The following SLC1A2 variants were observed in gnomAD, a reference collection of about 807,000 sequenced individuals.
SLC1A2 encodes the protein excitatory amino acid transporter 2.
A neutral mutation model predicts 48.8 loss-of-function variants in SLC1A2; 15 were observed. The observed-to-expected ratio is 0.31, with a 90% CI of 0.21 to 0.47. SLC1A2 has a LOEUF of 0.47. Among genes scored for constraint, SLC1A2 ranks in the 20% least tolerant of loss-of-function variants. The probability of loss-of-function intolerance (pLI) is 0.99; values close to 1 mark genes in which losing one functional copy is unlikely to be tolerated. For synonymous variants in SLC1A2, 279 were observed against 272.6 expected, an observed-to-expected ratio of 1.02 and a Z score of -0.23; for missense variants, 502 against 730.5, an observed-to-expected ratio of 0.69 and a Z score of 3.61.
chr11:35,419,690 T>A (rs1190210348), upstream of SLC1A2: 1 of 157,200 alleles, frequency 6.4e-6, no homozygotes, highest in Non-Finnish European at 1.4e-5. The surrounding 1 kb of genome is among the most constrained non-coding windows in gnomAD (Gnocchi z 5.4). Context: ...GCCCCGCCGC[T>A]CGTCCGGGAA....
At chr11:35,299,189 A>C (rs983776285) in intron 6 of SLC1A2, 4 of 152,318 alleles carry the variant, frequency 2.6e-5, no homozygotes, top group South Asian at 2.1e-4. Context: ...GATACAAAAA[A>C]TTAGCCGGGC....
In SLC1A2 at chr11:35,324,611, C is replaced by T. The variant is rs7945276; in HGVS notation, c.18-7095G>A. On this transcript the variant is annotated intron_variant, in intron 1 of 10. Transcript: ENST00000278379. ...GTTGAGTTTTAGTAAATCTCCTTGC[C>T]AATACATTGGTGCTGGTGCTTTTTA... Among the ~76,000 whole-genome samples, 1,233 of 152,228 alleles carry T rather than the reference C, an allele frequency of 8.1e-3. 16 individuals are homozygous for T. The highest frequency in any genetic ancestry group is 0.028 in the African/African-American group (1,142 of 41,526).
At chr11:35,416,775 G>A (rs1855614627) in intron 1 of SLC1A2, among the ~76,000 whole-genome samples, 1 of 152,238 alleles carries the variant, frequency 6.6e-6, no homozygotes, top group African/African-American at 2.4e-5. Context: ...GACAGCCTGA[G>A]GAGTCTTAGT....
At chr11:35,297,810 T>C (rs1239032327) in intron 6 of SLC1A2, 3 of 152,230 alleles carry the variant, frequency 2.0e-5, no homozygotes, top group African/African-American at 4.8e-5. Flanking sequence ...ATTACTATAA[T>C]ACTAATCCAT....
chr11:35,277,732 G>A (rs115771659), intron 9 of SLC1A2, among the ~76,000 whole-genome samples: 1,832 of 152,246 alleles, frequency 0.012, 40 homozygotes, highest in African/African-American at 0.041. Flanking sequence ...AAGTCATGGG[G>A]AAAGCCAGCA....
At chr11:35,261,863 C>T (rs1342193163) in intron 10 of SLC1A2, 4 of 396,794 alleles carry the variant, frequency 1.0e-5, no homozygotes, top group Admixed American at 4.4e-5. Context: ...ATACAACATG[C>T]TAGGAACAGA....
intron 1 of SLC1A2, among the ~76,000 whole-genome samples, chr11:35,344,040 C>G (rs1450807116): frequency 6.6e-6 from 1 of 151,990 alleles, no homozygotes; most frequent in Non-Finnish European, 1.5e-5. Context: ...TCCTTTTTTA[C>G]CCATCATTAA....
intron 1 of SLC1A2, among the ~76,000 whole-genome samples, chr11:35,319,254 G>T (rs1294487560): frequency 6.6e-5 from 10 of 152,152 alleles, no homozygotes; most frequent in Non-Finnish European, 1.5e-4. Context: ...TTACAACACA[G>T]CAGGGGGAAA....
At chr11:35,420,138 T>G (rs1855744331), upstream of SLC1A2, 1 of 169,222 alleles carries the variant, frequency 5.9e-6, no homozygotes, top group African/African-American at 2.4e-5. Context: ...GGCCGGGATT[T>G]TTTTTTTTTT....
In SLC1A2 at chr11:35,265,716, A is replaced by T; in HGVS notation, c.1464T>A (p.Phe488Leu). The change falls in exon 10 of 11, where the codon TTT becomes TTA. Residue 488 changes from phenylalanine to leucine, a missense_variant. By Grantham distance (22) the Phe-to-Leu change is conservative. Coordinates refer to ENST00000278379, the MANE Select transcript of SLC1A2 (RefSeq NM_004171.4). ...AGAGGTGATAGACTATCCCAGCCCC[A>T]AAAGAGTCACCCACAACATTGACTG... ...RTSVNVVGDSFGAGIVYHLSK... is the reference protein window; with the variant it reads ...RTSVNVVGDSLGAGIVYHLSK... The T allele has an allele frequency of 6.2e-7, 1 of 1,613,900 alleles. No individual in the cohort carries two copies. Among genetic ancestry groups the T allele is most frequent in the Non-Finnish European group, 8.5e-7 (1 of 1,179,774 alleles).
rs149476481 is a variant in SLC1A2, at chr11:35,271,811, C to G, written c.1422-6053G>C. Among the ~76,000 whole-genome samples, 804 of 152,288 alleles carry G rather than the reference C, an allele frequency of 5.3e-3. 6 individuals carry two copies. Among genetic ancestry groups the G allele is most frequent in the African/African-American group, 0.019 (779 of 41,558 alleles). On this transcript the variant is annotated intron_variant, in intron 9 of 10. Transcript: ENST00000278379. ...TGAGCCATGATAGCGCCACTGCACT[C>G]CAGCCTGGGCAACAGAGCGAGACTC...
chr11:35,412,281 T>C (rs932966384), intron 1 of SLC1A2, among the ~76,000 whole-genome samples: 2 of 152,340 alleles, frequency 1.3e-5, no homozygotes, highest in Non-Finnish European at 2.9e-5. Context: ...GTCATATATA[T>C]ATAGCCACAT....
intron 3 of SLC1A2, among the ~76,000 whole-genome samples, chr11:35,313,274 C>A (rs1000798279): frequency 6.6e-6 from 1 of 152,246 alleles, no homozygotes; most frequent in African/African-American, 2.4e-5. Flanking sequence ...CTGAGAATAA[C>A]GATTTTGCCC....
At chr11:35,335,822 T>A (rs7926777) in intron 1 of SLC1A2, among the ~76,000 whole-genome samples, 3,887 of 152,150 alleles carry the variant, frequency 0.026, 154 homozygotes, top group African/African-American at 0.089. Context: ...TTAGGTAGTC[T>A]CATAAGCCAG....
chr11:35,402,850 A>T (rs1277293030), intron 1 of SLC1A2, among the ~76,000 whole-genome samples: 1 of 152,258 alleles, frequency 6.6e-6, no homozygotes, highest in Non-Finnish European at 1.5e-5. Flanking sequence ...TTAAAAGCAC[A>T]TAAGAGAAAA....
intron 4 of SLC1A2, among the ~76,000 whole-genome samples, chr11:35,311,696 G>T (rs1352978969): frequency 6.6e-6 from 1 of 151,926 alleles, no homozygotes; most frequent in Non-Finnish European, 1.5e-5. Flanking sequence ...TGATTGTGTA[G>T]GGTATTTGTA....
In SLC1A2 at chr11:35,315,083, T is replaced by C. The variant is rs762511208; in HGVS notation, c.250A>G (p.Ile84Val). 1 of 1,612,664 alleles carries C rather than the reference T, an allele frequency of 6.2e-7. No homozygotes were observed. The highest frequency in any genetic ancestry group is 1.7e-5 in the Admixed American group (1 of 60,020). The change falls in exon 3 of 11, where the codon ATA becomes GTA. Residue 84 changes from isoleucine (I) to valine (V), a missense_variant. Ile to Val is a conservative substitution (Grantham distance 29). Transcript: ENST00000278379. ...AGCATTTTTAGCATCCTCATGAGTATATCCCCTGGGAAGGCTATTAACATA... is the reference window on the plus strand; with the variant it reads ...AGCATTTTTAGCATCCTCATGAGTACATCCCCTGGGAAGGCTATTAACATA... The part of the protein sequence containing the change: ...VVMLIAFPGD[I>V]LMRMLKMLIL...
chr11:35,312,147 C>T (rs1466092094), intron 4 of SLC1A2, 51 bp downstream of exon 4: 2 of 1,583,830 alleles, frequency 1.3e-6, no homozygotes, highest in Non-Finnish European at 1.7e-6. Flanking sequence ...AAGTTATCGC[C>T]TTGATAACTT....
chr11:35,291,060 C>A (rs1850985545), intron 7 of SLC1A2, among the ~76,000 whole-genome samples: 1 of 152,204 alleles, frequency 6.6e-6, no homozygotes. Context: ...ACCTCCCTAG[C>A]ATTGCATGGG....
Sources: gnomAD v4.1 joint callset for allele counts (sites outside exome capture counted in the v4.1 genomes callset) on GRCh38, gnomAD v4.1.1 for gene constraint, Gnocchi (gnomAD v3.1) non-coding constraint, MANE v1.5 for transcripts, NCBI Gene and HGNC (gene_info 2026-07-23, HGNC 2026-07-21) for gene names.